ZMAT4: variants seen among roughly 807,000 people sequenced by gnomAD.
ZMAT4 encodes the protein zinc finger matrin-type 4, also known as zinc finger matrin-type protein 4.
In ZMAT4, 17 loss-of-function variants were observed where a neutral mutation model predicts 28.7. The ratio of observed to expected loss-of-function variants is 0.59; its 90% CI spans 0.41 to 0.89. The LOEUF (loss-of-function observed/expected upper bound fraction) is 0.89. ZMAT4 is among the 40% of genes least tolerant of loss of function. The pLI is 0.00. For missense variants in ZMAT4, 240 were observed against 283.8 expected, an observed-to-expected ratio of 0.85 and a Z score of 1.11; for synonymous variants, 117 against 109.2, an observed-to-expected ratio of 1.07 and a Z score of -0.44.
At chr8:40,866,071 A>T (rs143662770) in intron 1 of ZMAT4, among the ~76,000 whole-genome samples, 1 of 152,336 alleles carries the variant, frequency 6.6e-6, no homozygotes, top group Non-Finnish European at 1.5e-5. Context: ...GCCTTCCTAG[A>T]ACAAGGCATT....
intron 2 of ZMAT4, among the ~76,000 whole-genome samples, chr8:40,772,775 G>A (rs552646584): frequency 3.3e-5 from 5 of 152,288 alleles, no homozygotes; most frequent in East Asian, 1.9e-4. Context: ...AAAATAAGCC[G>A]AGGACCTCAA....
chr8:40,866,038 G>A (rs1817667146), intron 1 of ZMAT4, among the ~76,000 whole-genome samples: 1 of 152,178 alleles, frequency 6.6e-6, no homozygotes, highest in Non-Finnish European at 1.5e-5. Flanking sequence ...GCTGAAAGCA[G>A]GGATCAACAA....
At chr8:40,578,833 C>T (rs574394706) in intron 6 of ZMAT4, among the ~76,000 whole-genome samples, 1 of 152,274 alleles carries the variant, frequency 6.6e-6, no homozygotes, top group South Asian at 2.1e-4. Flanking sequence ...GTATTTAAAT[C>T]ACTTCAAGGA....
intron 5 of ZMAT4, among the ~76,000 whole-genome samples, chr8:40,592,352 A>G (rs1041870707): frequency 6.6e-6 from 1 of 152,202 alleles, no homozygotes; most frequent in Non-Finnish European, 1.5e-5. Context: ...GCCCTAGTTA[A>G]AGAGCCTGTA....
intron 5 of ZMAT4, among the ~76,000 whole-genome samples, chr8:40,589,720 C>CTTTCCTTTT (rs1279672853): frequency 9.4e-5 from 13 of 138,294 alleles, no homozygotes; most frequent in Non-Finnish European, 1.6e-4. Flanking sequence ...TTCCTTCTTC[C>CTTTCCTTTT]TTCTTCCTTT....
intron 5 of ZMAT4, among the ~76,000 whole-genome samples, chr8:40,651,282 A>C (rs1356953331): frequency 2.0e-5 from 3 of 152,172 alleles, no homozygotes; most frequent in Non-Finnish European, 4.4e-5. Flanking sequence ...ATACACCAAC[A>C]ACAGACAAAC....
chr8:40,595,073 A>C (rs916172513), intron 5 of ZMAT4, among the ~76,000 whole-genome samples: 1 of 152,240 alleles, frequency 6.6e-6, no homozygotes, highest in Non-Finnish European at 1.5e-5. Flanking sequence ...AGATAAAAAG[A>C]AAAAGCAAAA....
At chr8:40,674,616 A>G in intron 5 of ZMAT4, 88 bp downstream of exon 5, 1 of 1,088,014 alleles carries the variant, frequency 9.2e-7, no homozygotes, top group Non-Finnish European at 1.4e-6. Flanking sequence ...TAATTAAAGC[A>G]AGAAGAAGAA....
At chr8:40,713,455 C>G (rs370800780) in intron 3 of ZMAT4, among the ~76,000 whole-genome samples, 1 of 149,728 alleles carries the variant, frequency 6.7e-6, no homozygotes, top group East Asian at 2.0e-4. Flanking sequence ...AAAAAAAAAA[C>G]AACATGAAGG....
chr8:40,611,265 C>A (rs1279734930), intron 5 of ZMAT4, among the ~76,000 whole-genome samples: 4 of 152,062 alleles, frequency 2.6e-5, no homozygotes, highest in Non-Finnish European at 5.9e-5. Context: ...AGGTTGTGGT[C>A]CATTTAAACT....
chr8:40,804,307 T>A (rs917903738), intron 2 of ZMAT4, among the ~76,000 whole-genome samples: 1 of 152,118 alleles, frequency 6.6e-6, no homozygotes, highest in Non-Finnish European at 1.5e-5. Flanking sequence ...GTGATGTTGA[T>A]AATAGGGGAG....
At chr8:40,642,559 T>TTTG (rs1807085510) in intron 5 of ZMAT4, among the ~76,000 whole-genome samples, 1 of 152,088 alleles carries the variant, frequency 6.6e-6, no homozygotes. Flanking sequence ...AGTACCAAGG[T>TTTG]AAAGATTGTT....
intron 4 of ZMAT4, among the ~76,000 whole-genome samples, chr8:40,682,984 G>T (rs886919170): frequency 6.6e-6 from 1 of 152,176 alleles, no homozygotes; most frequent in African/African-American, 2.4e-5. Flanking sequence ...TCCAAAGGCT[G>T]TAATATTGCA....
At chr8:40,751,062 C>T (rs1438028055) in intron 3 of ZMAT4, among the ~76,000 whole-genome samples, 1 of 152,138 alleles carries the variant, frequency 6.6e-6, no homozygotes, top group Admixed American at 6.5e-5. Context: ...ATCCTTTCAC[C>T]CCTGAGGCAC....
At chr8:40,594,844 T>C (rs1167189858) in intron 5 of ZMAT4, among the ~76,000 whole-genome samples, 1 of 152,228 alleles carries the variant, frequency 6.6e-6, no homozygotes, top group Non-Finnish European at 1.5e-5. Flanking sequence ...TGCTTCCTTA[T>C]ATACTAATCA....
chr8:40,592,314 A>T (rs1056763030), intron 5 of ZMAT4, among the ~76,000 whole-genome samples: 1 of 152,210 alleles, frequency 6.6e-6, no homozygotes, highest in Admixed American at 6.5e-5. Flanking sequence ...CAATCTAAGA[A>T]AACTCACCAA....
intron 5 of ZMAT4, among the ~76,000 whole-genome samples, chr8:40,601,468 G>GGAAAGAAAGAAAGAAA (rs71224836): frequency 0.054 from 1,078 of 19,876 alleles, 97 homozygotes; most frequent in Non-Finnish European, 0.08. Context: ...GAGGAAGAAA[G>GGAAAGAAAGAAAGAAA]GAAAGAAAGA....
intron 2 of ZMAT4, among the ~76,000 whole-genome samples, chr8:40,796,622 A>G (rs532249423): frequency 1.1e-4 from 16 of 152,162 alleles, no homozygotes; most frequent in Non-Finnish European, 1.6e-4. Flanking sequence ...CCTTAAATGC[A>G]CTACTTAGAA....
chr8:40,613,180 C>CTTTTTTTTT (rs34687121), intron 5 of ZMAT4, among the ~76,000 whole-genome samples: 31 of 79,974 alleles, frequency 3.9e-4, no homozygotes, highest in Non-Finnish European at 6.3e-4. Flanking sequence ...TACTTTCTTT[C>CTTTTTTTTT]TTTTTTTTTT....
Sources: gnomAD v4.1 joint callset for allele counts (sites outside exome capture counted in the v4.1 genomes callset) on GRCh38, gnomAD v4.1.1 for gene constraint, MANE v1.5 for transcripts, NCBI Gene and HGNC (gene_info 2026-07-23, HGNC 2026-07-21) for gene names.